The following GALNT9 variants were observed in gnomAD, a reference collection of about 807,000 sequenced individuals.
GALNT9 encodes the protein GalNAc transferase 9.
GALNT9 carries 47 observed loss-of-function variants against 63.1 expected under a neutral mutation model. The ratio of observed to expected loss-of-function variants is 0.75; its 90% CI spans 0.59 to 0.95. The LOEUF (loss-of-function observed/expected upper bound fraction) is 0.95. GALNT9 is among the 40% of genes least tolerant of loss of function. The probability of loss-of-function intolerance (pLI) is 0.00; values close to 1 mark genes in which losing one functional copy is unlikely to be tolerated. For synonymous variants in GALNT9, 396 were observed against 365.7 expected, an observed-to-expected ratio of 1.08 and a Z score of -0.94; for missense variants, 829 against 874.8, an observed-to-expected ratio of 0.95 and a Z score of 0.66.
At chr12:132,257,256 C>T (rs1038483373) in intron 5 of GALNT9, among the ~76,000 whole-genome samples, 14 of 152,308 alleles carry the variant, frequency 9.2e-5, no homozygotes, top group Middle Eastern at 3.4e-3. Context: ...ACCTTCAAGC[C>T]GTTAGTACTG....
intron 6 of GALNT9, among the ~76,000 whole-genome samples, chr12:132,214,106 G>T (rs796980963): frequency 3.3e-5 from 5 of 152,208 alleles, no homozygotes; most frequent in African/African-American, 1.2e-4. Flanking sequence ...ATTACCAGGA[G>T]GGGCACTGAC....
intron 5 of GALNT9, among the ~76,000 whole-genome samples, chr12:132,248,259 G>A (rs1669830616): frequency 1.3e-5 from 2 of 152,238 alleles, no homozygotes; most frequent in Admixed American, 6.5e-5. Context: ...TCCAAATGCT[G>A]AATGCCAACA....
In GALNT9 at chr12:132,254,168, C is replaced by T. The variant is rs564603366; in HGVS notation, c.959+3521G>A. On this transcript the variant is annotated intron_variant, in intron 5 of 10. Transcript: ENST00000328957. ...TCCCAAGTAGTTGGGATTACAGGCA[C>T]CTGACACCACGCCCTGCGAATTTTT... 1.1e-4 allele frequency among the ~76,000 whole-genome samples: 16 copies of T among 152,112 alleles called. No individual in the cohort carries two copies. In the East Asian group the frequency reaches 3.1e-3, roughly 29 times the overall value.
Position 132,296,817 on chromosome 12 carries a change from A to G in GALNT9, c.239-10387T>C, listed in dbSNP as rs1467686398. Among the ~76,000 whole-genome samples the G allele has an allele frequency of 8.7e-5, 13 of 149,940 alleles. No individual in the cohort carries two copies. Among genetic ancestry groups the G allele is most frequent in the Non-Finnish European group, 1.6e-4 (11 of 67,458 alleles). On this transcript the variant is annotated intron_variant, in intron 1 of 10. Coordinates refer to ENST00000328957, the MANE Select transcript of GALNT9 (RefSeq NM_001122636.2). This position sits in a 1 kb window ranked among gnomAD's most constrained non-coding sequence, Gnocchi z 4.2. ...GCTGTGTCATCCCATGTGGACGGCG[A>G]GAGCACACACGCATTGGGGGCTGGG...
At chr12:132,203,818 C>G (rs922675620) in intron 6 of GALNT9, 128 bp from the exon 7 acceptor site, 3 of 952,698 alleles carry the variant, frequency 3.1e-6, no homozygotes, top group Admixed American at 2.8e-5. Flanking sequence ...CACCGACGGG[C>G]CTGGTGGGTC....
At chr12:132,213,427 CTCAG>C (rs1282142729) in intron 6 of GALNT9, among the ~76,000 whole-genome samples, 3 of 152,192 alleles carry the variant, frequency 2.0e-5, no homozygotes, top group Admixed American at 2.0e-4. Context: ...AACATAATCA[CTCAG>C]TCAAGCATAC....
intron 1 of GALNT9, among the ~76,000 whole-genome samples, chr12:132,303,334 A>C: frequency 6.6e-6 from 1 of 151,446 alleles, no homozygotes; most frequent in South Asian, 2.1e-4. Context: ...CCCAGAATCC[A>C]CCACCAAAAA....
intron 6 of GALNT9, among the ~76,000 whole-genome samples, chr12:132,215,322 C>A (rs1877139263): frequency 1.3e-5 from 2 of 152,272 alleles, no homozygotes; most frequent in African/African-American, 4.8e-5. Flanking sequence ...GCTGTAGGCC[C>A]CACACACGAG....
At chr12:132,313,962 C>CT in intron 1 of GALNT9, among the ~76,000 whole-genome samples, 2 of 123,824 alleles carry the variant, frequency 1.6e-5, no homozygotes, top group African/African-American at 3.1e-5. Flanking sequence ...ATCCATCCAC[C>CT]CATCCATCCA....
At chr12:132,251,144 G>A (rs927806117) in intron 5 of GALNT9, among the ~76,000 whole-genome samples, 60 of 152,324 alleles carry the variant, frequency 3.9e-4, no homozygotes, top group Admixed American at 9.8e-4. Context: ...GCAGATGTGC[G>A]AGCCACAAAC....
chr12:132,303,143 T>C (rs908170535), intron 1 of GALNT9, among the ~76,000 whole-genome samples: 2 of 152,000 alleles, frequency 1.3e-5, no homozygotes, highest in East Asian at 1.9e-4. Context: ...ACTGTGGCTG[T>C]CACCCCTGTG....
chr12:132,263,440 C>G (rs542425639), intron 2 of GALNT9, among the ~76,000 whole-genome samples: 15 of 151,472 alleles, frequency 9.9e-5, no homozygotes, highest in Middle Eastern at 3.4e-3. Context: ...ACTGCAGGAG[C>G]GGCTGCAGGT....
intron 5 of GALNT9, among the ~76,000 whole-genome samples, chr12:132,251,047 C>A (rs560423401): frequency 1.8e-4 from 28 of 152,304 alleles, no homozygotes; most frequent in African/African-American, 6.5e-4. Flanking sequence ...TCCTTCCACA[C>A]GGAGTTTGGA....
At position 132,329,332 on chromosome 12, in the gene GALNT9, G is replaced by A; in HGVS notation, c.-129C>T. On this transcript the variant is annotated 5_prime_UTR_variant, in exon 1 of 11. Transcript: ENST00000328957. Reference sequence around the variant, plus strand: ...GCGGGGGCTGCGGGGCTCGGCCGGAGCTGTCCCTTCAGCACCAGCTCAGCG... The same window carrying A: ...GCGGGGGCTGCGGGGCTCGGCCGGAACTGTCCCTTCAGCACCAGCTCAGCG... The A allele has an allele frequency of 1.5e-6, 2 of 1,368,896 alleles. No individual in the cohort carries two copies. The highest frequency in any genetic ancestry group is 1.9e-6 in the Non-Finnish European group (2 of 1,043,462). 84.8% of individuals were successfully genotyped at this position (1,368,896 alleles called of 1,614,324 possible).
chr12:132,205,203 C>G (rs928452743), intron 6 of GALNT9, among the ~76,000 whole-genome samples: 4 of 152,162 alleles, frequency 2.6e-5, no homozygotes, highest in African/African-American at 9.7e-5. Flanking sequence ...CGTCCCCTAG[C>G]TGCATCCTCC....
chr12:132,322,618 C>T (rs781951476), intron 1 of GALNT9, among the ~76,000 whole-genome samples: 2 of 152,190 alleles, frequency 1.3e-5, no homozygotes, highest in Non-Finnish European at 2.9e-5. Flanking sequence ...TTTGCCCCCT[C>T]CTACTTCCAG....
rs1593102630 is a variant in GALNT9 at position 132,282,288 on chromosome 12, C to T, written c.419+3962G>A. ...GGAATCAGCTCCACTACAGCAAGGC[C>T]AGGCCTGGGGTCCCACATCCCACAG... On this transcript the variant is annotated intron_variant, in intron 2 of 10. Transcript: ENST00000328957. This position sits in a 1 kb window ranked among gnomAD's most constrained non-coding sequence, Gnocchi z 4.5. Among the ~76,000 whole-genome samples the T allele has an allele frequency of 6.6e-6, 1 of 152,216 alleles. No individual in the cohort carries two copies. Among genetic ancestry groups the T allele is most frequent in the South Asian group, 2.1e-4 (1 of 4,836 alleles).
chr12:132,218,605 C>T (rs1877314634), intron 6 of GALNT9, among the ~76,000 whole-genome samples: 1 of 152,246 alleles, frequency 6.6e-6, no homozygotes, highest in South Asian at 2.1e-4. Flanking sequence ...ACGCCACCCT[C>T]TTGTCACACA....
chr12:132,290,333 G>C (rs76534667), intron 1 of GALNT9, among the ~76,000 whole-genome samples: 3,265 of 152,188 alleles, frequency 0.021, 42 homozygotes, highest in Middle Eastern at 0.099. Flanking sequence ...GCCAAGCCAC[G>C]GACCCTCAGT....
Sources: allele counts gnomAD v4.1 joint callset (sites outside exome capture counted in the v4.1 genomes callset), GRCh38; gene constraint gnomAD v4.1.1; non-coding constraint Gnocchi (gnomAD v3.1); transcripts MANE v1.5; gene names NCBI Gene and HGNC (gene_info 2026-07-23, HGNC 2026-07-21).